Variants in XKR6 observed in about 807,000 individuals in gnomAD.
XKR6 encodes the protein XK related 6.
Under a neutral mutation model 56.7 loss-of-function variants are expected in XKR6, and 22 were observed. The ratio of observed to expected loss-of-function variants is 0.39; its 90% CI spans 0.28 to 0.55. XKR6 has a LOEUF of 0.55. Ranked by LOEUF, XKR6 falls within the 20% of genes least tolerant of loss-of-function variation. The probability of loss-of-function intolerance (pLI) is 0.66; values close to 1 mark genes in which losing one functional copy is unlikely to be tolerated. For missense variants in XKR6, 852 were observed against 889.0 expected (o/e 0.96, Z 0.53); for synonymous variants, 524 against 387.8 (o/e 1.35, Z -4.13).
At chr8:11,004,483 A>G (rs909123924) in intron 1 of XKR6, among the ~76,000 whole-genome samples, 2 of 151,934 alleles carry the variant, frequency 1.3e-5, no homozygotes, top group Admixed American at 1.3e-4. Context: ...TCAAAAATAA[A>G]TAAATAAATA....
intron 1 of XKR6, among the ~76,000 whole-genome samples, chr8:11,132,518 C>T (rs1223081504): frequency 1.3e-5 from 2 of 151,748 alleles, no homozygotes; most frequent in Admixed American, 6.6e-5. Flanking sequence ...CCCACCACCA[C>T]GCCAGGCTAA....
Position 11,127,657 on chromosome 8 carries a change from G to A in XKR6, c.764+72919C>T, listed in dbSNP as rs535462184. On this transcript the variant is annotated intron_variant, in intron 1 of 2. Transcript: ENST00000416569. ...CACCCTACCTCTCTCTTTCACTTAG[G>A]AGGCCCCTTGTGGCTACATCAGGCC... 4.6e-5 allele frequency among the ~76,000 whole-genome samples: 7 copies of A among 152,192 alleles called. No homozygotes were observed. The South Asian group carries it at 1.2e-3, about 27-fold the overall frequency.
intron 1 of XKR6, among the ~76,000 whole-genome samples, chr8:10,958,653 G>A (rs1326394472): frequency 6.6e-6 from 1 of 152,216 alleles, no homozygotes; most frequent in African/African-American, 2.4e-5. Context: ...ACACAGGCAG[G>A]AGCCTGGACT....
chr8:11,116,267 CT>C (rs1158488689), intron 1 of XKR6, among the ~76,000 whole-genome samples: 2 of 152,150 alleles, frequency 1.3e-5, no homozygotes, highest in African/African-American at 4.8e-5. Flanking sequence ...CATAGATACC[CT>C]TTTTCCACTC....
At chr8:11,061,139 A>G (rs1377122289) in intron 1 of XKR6, among the ~76,000 whole-genome samples, 3 of 152,182 alleles carry the variant, frequency 2.0e-5, no homozygotes, top group Non-Finnish European at 4.4e-5. Context: ...CTAAAGCAGA[A>G]TAGATGTCCA....
intron 1 of XKR6, among the ~76,000 whole-genome samples, chr8:10,984,732 C>CTCTCTCTCTATATATATA: frequency 6.1e-4 from 29 of 47,478 alleles, no homozygotes; most frequent in African/African-American, 1.1e-3. Flanking sequence ...CTCTCTCTCT[C>CTCTCTCTCTATATATATA]TATATATATA....
intron 1 of XKR6, among the ~76,000 whole-genome samples, chr8:11,170,338 G>C (rs1392334503): frequency 6.6e-6 from 1 of 152,206 alleles, no homozygotes; most frequent in East Asian, 1.9e-4. Flanking sequence ...ACAAAATGTG[G>C]TAGATCCATC....
intron 1 of XKR6, among the ~76,000 whole-genome samples, chr8:11,065,710 G>A (rs1020807813): frequency 2.6e-5 from 4 of 152,044 alleles, no homozygotes; most frequent in South Asian, 2.1e-4. Context: ...CCTCCAAGCC[G>A]GGCTAAAGTC....
At chr8:11,111,347 C>T (rs1798881688) in intron 1 of XKR6, among the ~76,000 whole-genome samples, 1 of 152,094 alleles carries the variant, frequency 6.6e-6, no homozygotes, top group African/African-American at 2.4e-5. Context: ...GCACTTCTGC[C>T]CTACATAGTA....
At position 11,068,905 on chromosome 8, in the gene XKR6, C is replaced by T. The variant is rs117249780; in HGVS notation, c.764+131671G>A. Among the ~76,000 whole-genome samples the T allele has an allele frequency of 4.0e-3, 603 of 152,304 alleles. 16 individuals carry two copies. Among genetic ancestry groups the T allele is most frequent in the Non-Finnish European group, 5.0e-3 (341 of 68,022 alleles). ...TCAGGAAGAATCTCCTCCCTTGATC[C>T]GAATCCACTCCTGCACCTACATTCT... On this transcript the variant is annotated intron_variant, in intron 1 of 2. Coordinates refer to ENST00000416569, the MANE Select transcript of XKR6 (RefSeq NM_173683.4).
At chr8:11,191,070 G>C (rs1022085479) in intron 1 of XKR6, among the ~76,000 whole-genome samples, 1 of 152,026 alleles carries the variant, frequency 6.6e-6, no homozygotes, top group Non-Finnish European at 1.5e-5. Flanking sequence ...GGACATAGGG[G>C]GCCTTAGGAG....
At chr8:10,943,014 G>T (rs1232422009) in intron 1 of XKR6, among the ~76,000 whole-genome samples, 1 of 152,194 alleles carries the variant, frequency 6.6e-6, no homozygotes, top group African/African-American at 2.4e-5. Context: ...CAAAGGAGGG[G>T]CCAGGAAGGC....
chr8:10,928,001 A>G (rs910778879), intron 1 of XKR6, among the ~76,000 whole-genome samples: 1 of 152,172 alleles, frequency 6.6e-6, no homozygotes, highest in Non-Finnish European at 1.5e-5. Context: ...GCAAATGCTC[A>G]TCCTTTCCAA....
chr8:11,113,715 TA>T (rs1260929471), intron 1 of XKR6, among the ~76,000 whole-genome samples: 11 of 152,216 alleles, frequency 7.2e-5, no homozygotes, highest in Admixed American at 7.2e-4. Context: ...TTTCATATAA[TA>T]AATATTTTGT....
rs187530493 is a variant in XKR6 at position 11,156,732 on chromosome 8, A to C, written c.764+43844T>G. On this transcript the variant is annotated intron_variant, in intron 1 of 2. Transcript: ENST00000416569. ...ATATCTATTTTGGGGTGGGAAGGGG[A>C]AAGACAAAATCTTGCTTACAGAAGA... Among the ~76,000 whole-genome samples, 686 of 152,238 alleles carry C rather than the reference A, an allele frequency of 4.5e-3. 4 individuals carry two copies. The highest frequency in any genetic ancestry group is 8.7e-3 in the Admixed American group (133 of 15,282).
At chr8:11,166,364 T>G (rs1426982008) in intron 1 of XKR6, among the ~76,000 whole-genome samples, 1 of 152,140 alleles carries the variant, frequency 6.6e-6, no homozygotes, top group Non-Finnish European at 1.5e-5. Flanking sequence ...GCATCTGCTA[T>G]GGTCTGAAAG....
At chr8:11,158,604 T>A (rs1175613489) in intron 1 of XKR6, among the ~76,000 whole-genome samples, 1 of 152,132 alleles carries the variant, frequency 6.6e-6, no homozygotes, top group Non-Finnish European at 1.5e-5. Context: ...CAATCCCTCT[T>A]ATGAAAAGAA....
intron 2 of XKR6, among the ~76,000 whole-genome samples, chr8:10,923,593 C>A (rs1236592603): frequency 2.6e-5 from 4 of 152,214 alleles, no homozygotes; most frequent in African/African-American, 9.6e-5. Flanking sequence ...TACAGAGGGC[C>A]AGCTTGGAAA....
Position 11,060,847 on chromosome 8 carries a change from T to C in XKR6, c.765-136017A>G, listed in dbSNP as rs115090751. On this transcript the variant is annotated intron_variant, in intron 1 of 2. Coordinates refer to ENST00000416569, the MANE Select transcript of XKR6 (RefSeq NM_173683.4). ...ATGAGGAGAGACAAAATAATTCCAG[T>C]GATAGCAAGTGTGCCATAAGGGAAA... Among the ~76,000 whole-genome samples, 399 of 152,310 alleles carry C rather than the reference T, an allele frequency of 2.6e-3. 2 individuals carry two copies. Among genetic ancestry groups the C allele is most frequent in the African/African-American group, 9.4e-3 (391 of 41,574 alleles).
Sources: gnomAD v4.1 joint callset for allele counts (sites outside exome capture counted in the v4.1 genomes callset) on GRCh38, gnomAD v4.1.1 for gene constraint, MANE v1.5 for transcripts, NCBI Gene and HGNC (gene_info 2026-07-23, HGNC 2026-07-21) for gene names.